XPO7: variants seen among roughly 807,000 people sequenced by gnomAD.
The protein encoded by XPO7 is exportin-7.
In XPO7, 21 loss-of-function variants were observed where a neutral mutation model predicts 144.3. That is an observed-to-expected ratio of 0.15 (90% CI 0.10 to 0.21). XPO7 has a LOEUF of 0.21. Ranked by LOEUF, XPO7 falls within the 10% of genes least tolerant of loss-of-function variation. XPO7 has a pLI of 1.00. For missense variants in XPO7, 808 were observed against 1,325.8 expected (o/e 0.61, Z 6.06); for synonymous variants, 580 against 499.6 (o/e 1.16, Z -2.15).
chr8:21,977,584 CAA>C (rs376276061), intron 7 of XPO7, among the ~76,000 whole-genome samples, 184 bp from the exon 8 acceptor site: 5 of 150,794 alleles, frequency 3.3e-5, no homozygotes, highest in African/African-American at 9.7e-5. Flanking sequence ...GACTCCGTCT[CAA>C]AAAAAAGAGA....
intron 1 of XPO7, among the ~76,000 whole-genome samples, chr8:21,947,982 G>A (rs1386385162): frequency 6.6e-6 from 1 of 152,206 alleles, no homozygotes. Context: ...CCCAGAGGAA[G>A]AAGGAGCACA....
intron 18 of XPO7, 72 bp from the exon 19 acceptor site, chr8:21,991,796 C>T: frequency 1.6e-6 from 2 of 1,237,536 alleles, no homozygotes; most frequent in African/African-American, 1.5e-5. Context: ...CCTCTTTCAT[C>T]CCATCTTCCC....
At chr8:21,968,689 T>A (rs553293742) in intron 2 of XPO7, among the ~76,000 whole-genome samples, 1 of 152,244 alleles carries the variant, frequency 6.6e-6, no homozygotes, top group Non-Finnish European at 1.5e-5. Flanking sequence ...TTAAGGACTT[T>A]CTGTGTCATA....
At chr8:21,946,061 G>A (rs545521023) in intron 1 of XPO7, among the ~76,000 whole-genome samples, 1 of 152,226 alleles carries the variant, frequency 6.6e-6, no homozygotes, top group South Asian at 2.1e-4. Context: ...AGGTACTCGG[G>A]ATTTCCATAG....
Position 22,003,999 on chromosome 8 carries a change from G to A in XPO7, c.3139G>A (p.Glu1047Lys), listed in dbSNP as rs373547054. 7 of 1,613,674 alleles carry A rather than the reference G, an allele frequency of 4.3e-6. No homozygotes were observed. Among genetic ancestry groups the A allele is most frequent in the Non-Finnish European group, 5.9e-6 (7 of 1,179,854 alleles). ...TTTTGAGAACCTGATGGAAGGCATC[G>A]AGCGAAATCTTCTTACGAAAAACAG... ...LCFENLMEGI[E>K]RNLLTKNRDR... is the part of the protein sequence containing the mutation. Residue 1047 changes from glutamate to lysine, a missense_variant, in exon 27 of 28, where the codon GAG becomes AAG. Coordinates refer to ENST00000252512, the MANE Select transcript of XPO7 (RefSeq NM_015024.5).
intron 22 of XPO7, 101 bp downstream of exon 22, chr8:21,998,938 G>GA: frequency 6.8e-7 from 1 of 1,476,542 alleles, no homozygotes; most frequent in East Asian, 2.3e-5. Context: ...CAGGAGCCAG[G>GA]ACAGCATTCG....
chr8:21,954,182 C>T (rs1811460913), intron 1 of XPO7, among the ~76,000 whole-genome samples: 1 of 152,190 alleles, frequency 6.6e-6, no homozygotes, highest in South Asian at 2.1e-4. Context: ...TGATAGGTGG[C>T]CTCAGAGAAT....
At position 21,986,663 on chromosome 8, in the gene XPO7, G is replaced by A. The variant is rs145720086; in HGVS notation, c.1578-478G>A. Among the ~76,000 whole-genome samples, 236 of 152,318 alleles carry A rather than the reference G, an allele frequency of 1.5e-3. 2 individuals are homozygous for A. The highest frequency in any genetic ancestry group is 5.3e-3 in the African/African-American group (221 of 41,572). On this transcript the variant is annotated intron_variant, in intron 13 of 27. Transcript: ENST00000252512. ...TGCAGCCGAGTTCAATACTGTGTGT[G>A]TCATAATATAAATTTAGTTCAAACA...
Position 21,995,627 on chromosome 8 carries a change from C to A in XPO7, c.2345+28C>A, listed in dbSNP as rs367900673. 1.3e-4 allele frequency: 199 copies of A among 1,509,884 alleles called. 3 individuals carry two copies. In the South Asian group the frequency reaches 2.3e-3, roughly 17 times the overall value. The allele number at this position is 1,509,884 out of a possible 1,614,324, so 93.5% of individuals were successfully genotyped here. A position where few individuals can be genotyped will look rare whatever the true frequency, so the allele number is the denominator to read the frequency against. ...AAGCAGGAGGCAGAGCTTGCAAGGG[C>A]ACATCTGCCCTGTTATCTGAGAGAA... On this transcript the variant is annotated intron_variant, in intron 21 of 27. Transcript: ENST00000252512.
intron 16 of XPO7, among the ~76,000 whole-genome samples, chr8:21,990,129 G>A (rs1258556754): frequency 3.9e-5 from 6 of 151,938 alleles, no homozygotes; most frequent in Non-Finnish European, 8.8e-5. Flanking sequence ...GATTACAGGC[G>A]TGAGCCACCG....
intron 1 of XPO7, among the ~76,000 whole-genome samples, chr8:21,947,610 C>G (rs1323050463): frequency 6.6e-6 from 1 of 151,900 alleles, no homozygotes; most frequent in Non-Finnish European, 1.5e-5. Flanking sequence ...AAACAGAGCT[C>G]TTAGAAGATA....
At chr8:21,984,550 A>T (rs944622561) in intron 11 of XPO7, 96 bp from the exon 12 acceptor site, 1 of 1,160,958 alleles carries the variant, frequency 8.6e-7, no homozygotes, top group Non-Finnish European at 1.2e-6. Context: ...TACAGTCAGA[A>T]ATGGTGGCTA....
At chr8:21,944,118 A>G (rs962862891) in intron 1 of XPO7, among the ~76,000 whole-genome samples, 1 of 152,216 alleles carries the variant, frequency 6.6e-6, no homozygotes, top group Non-Finnish European at 1.5e-5. Context: ...GCCATACCCA[A>G]GAGTGGTAAT....
chr8:21,956,132 C>T (rs1038773984), intron 1 of XPO7, among the ~76,000 whole-genome samples: 2 of 152,194 alleles, frequency 1.3e-5, no homozygotes, highest in African/African-American at 4.8e-5. Context: ...TGTGGCCTTA[C>T]ACCCCCAAAG....
chr8:21,991,706 T>C (rs1319805581), intron 18 of XPO7, 162 bp from the exon 19 acceptor site: 3 of 511,522 alleles, frequency 5.9e-6, no homozygotes, highest in Non-Finnish European at 1.0e-5. Context: ...TCTGTTTCTA[T>C]ATATACATGT....
intron 1 of XPO7, among the ~76,000 whole-genome samples, chr8:21,958,274 T>G (rs1438113435): frequency 1.3e-5 from 2 of 152,184 alleles, no homozygotes; most frequent in Non-Finnish European, 2.9e-5. Context: ...TAGCAAATAC[T>G]GACCCATTGC....
At chr8:21,958,554 A>C (rs1323135764) in intron 1 of XPO7, among the ~76,000 whole-genome samples, 1 of 152,016 alleles carries the variant, frequency 6.6e-6, no homozygotes, top group East Asian at 1.9e-4. Flanking sequence ...TCTGTGGGCC[A>C]TGTTAAGCAG....
At position 21,967,512 on chromosome 8, in the gene XPO7, T is replaced by TA. The variant is rs567039666; in HGVS notation, c.165+510dup. ...AGCTTGGCTAATTTTGTATTTTTTT[T>TA]AGTAGAGACGGGGTTTCTCCGTGTT... is the stretch of plus-strand genomic sequence containing the variant. On this transcript the variant is annotated intron_variant, in intron 2 of 27. Transcript: ENST00000252512. Among the ~76,000 whole-genome samples, 7 of 152,246 alleles carry TA rather than the reference T, an allele frequency of 4.6e-5. No homozygotes were observed. In the South Asian group the frequency reaches 1.5e-3, roughly 32 times the overall value.
chr8:21,960,637 G>A (rs532943893), intron 1 of XPO7, among the ~76,000 whole-genome samples: 6 of 152,126 alleles, frequency 3.9e-5, no homozygotes, highest in Admixed American at 1.3e-4. Context: ...TCTCATGCAC[G>A]CCAGGCTCTG....
Sources: gnomAD v4.1 joint callset for allele counts (sites outside exome capture counted in the v4.1 genomes callset) on GRCh38, gnomAD v4.1.1 for gene constraint, MANE v1.5 for transcripts, NCBI Gene and HGNC (gene_info 2026-07-23, HGNC 2026-07-21) for gene names.